The following NRXN3 variants were observed in gnomAD, a reference collection of about 807,000 sequenced individuals.
NRXN3 encodes neurexin III.
Under a neutral mutation model 137.6 loss-of-function variants are expected in NRXN3, and 32 were observed. That is an observed-to-expected ratio of 0.23 (90% confidence interval 0.18 to 0.31). NRXN3 has a LOEUF of 0.31. Among genes scored for constraint, NRXN3 ranks in the 10% least tolerant of loss-of-function variants. The probability of loss-of-function intolerance (pLI) is 1.00; values close to 1 mark genes in which losing one functional copy is unlikely to be tolerated. For synonymous variants in NRXN3, 798 were observed against 784.5 expected (o/e 1.02, Z -0.29); for missense variants, 1,574 against 2,062.5 (o/e 0.76, Z 4.59).
intron 15 of NRXN3, among the ~76,000 whole-genome samples, chr14:79,314,776 A>G (rs1339757863): frequency 6.8e-6 from 1 of 146,516 alleles, no homozygotes; most frequent in South Asian, 2.3e-4. Context: ...CAAGCAGCCT[A>G]ACTGGGAGGC....
At chr14:78,991,036 G>A (rs774241727) in intron 15 of NRXN3, among the ~76,000 whole-genome samples, 14 of 152,188 alleles carry the variant, frequency 9.2e-5, no homozygotes, top group East Asian at 7.7e-4. Flanking sequence ...TTTTGGTGGC[G>A]TAGCCTGTAT....
At chr14:79,330,952 T>A (rs1030096858) in intron 15 of NRXN3, among the ~76,000 whole-genome samples, 3 of 152,146 alleles carry the variant, frequency 2.0e-5, no homozygotes, top group Admixed American at 2.0e-4. Flanking sequence ...GTTGGCTCAG[T>A]AACGTTTCAC....
chr14:79,050,006 CTG>C (rs1231439873), intron 15 of NRXN3, among the ~76,000 whole-genome samples: 1 of 152,154 alleles, frequency 6.6e-6, no homozygotes, highest in African/African-American at 2.4e-5. Context: ...ATCTAGAAAA[CTG>C]AGAAACAGGA....
chr14:79,794,961 A>G (rs2099156738), intron 19 of NRXN3, among the ~76,000 whole-genome samples: 1 of 152,200 alleles, frequency 6.6e-6, no homozygotes, highest in Non-Finnish European at 1.5e-5. Context: ...AAGTGCAAAG[A>G]TAAATGATTA....
intron 4 of NRXN3, among the ~76,000 whole-genome samples, chr14:78,335,267 C>CT (rs2081325789): frequency 6.6e-6 from 1 of 152,190 alleles, no homozygotes; most frequent in South Asian, 2.1e-4. Context: ...ATTATTTTCC[C>CT]TTTTTTCTCT....
At chr14:78,654,698 C>T (rs1248774385) in intron 6 of NRXN3, among the ~76,000 whole-genome samples, 2 of 152,234 alleles carry the variant, frequency 1.3e-5, no homozygotes, top group East Asian at 3.8e-4. Flanking sequence ...ATCATGAAGT[C>T]AGCATCTTGT....
At chr14:79,371,726 C>A (rs1380599215) in intron 15 of NRXN3, among the ~76,000 whole-genome samples, 1 of 152,002 alleles carries the variant, frequency 6.6e-6, no homozygotes, top group Non-Finnish European at 1.5e-5. Flanking sequence ...TGGCAGTGAA[C>A]GTATACGTTT....
At chr14:79,065,263 T>A (rs1263744088) in intron 15 of NRXN3, among the ~76,000 whole-genome samples, 2 of 152,058 alleles carry the variant, frequency 1.3e-5, no homozygotes, top group East Asian at 3.9e-4. Context: ...AACATTTGAT[T>A]TAGATTCTGA....
chr14:78,498,963 G>A (rs2095837386), intron 4 of NRXN3, among the ~76,000 whole-genome samples: 2 of 151,886 alleles, frequency 1.3e-5, no homozygotes, highest in Non-Finnish European at 1.5e-5. Flanking sequence ...ATGTTACCTT[G>A]GGCAATGTTG....
At chr14:79,342,956 C>T (rs935535514) in intron 15 of NRXN3, among the ~76,000 whole-genome samples, 7 of 151,966 alleles carry the variant, frequency 4.6e-5, no homozygotes, top group East Asian at 1.9e-4. Flanking sequence ...GATAATTTGG[C>T]GGGTAGGGGC....
rs145007718 is a variant in NRXN3 at position 78,329,144 on chromosome 14, A to T, written c.757+31284A>T. 4.5e-4 allele frequency among the ~76,000 whole-genome samples: 68 copies of T among 152,284 alleles called. 1 individual carries two copies. The East Asian group carries it at 9.8e-3, about 22-fold the overall frequency. On this transcript the variant is annotated intron_variant, in intron 4 of 20. Coordinates refer to ENST00000335750, the MANE Select transcript of NRXN3 (RefSeq NM_001330195.2). ...TAAAATGAGAGAGCTTCTGATTCAT[A>T]GGAGTTATAAAAATAATATAGTAAT... is the stretch of plus-strand genomic sequence containing the variant.
intron 16 of NRXN3, among the ~76,000 whole-genome samples, chr14:79,592,741 A>G (rs1193190174): frequency 1.3e-5 from 2 of 152,240 alleles, no homozygotes; most frequent in Admixed American, 6.5e-5. Context: ...GCTAAAATCT[A>G]AAAGACCTAT....
chr14:79,308,862 T>G (rs1270334178), intron 15 of NRXN3, among the ~76,000 whole-genome samples: 1 of 145,936 alleles, frequency 6.9e-6, no homozygotes, highest in Non-Finnish European at 1.5e-5. Context: ...TTTTTTTTTT[T>G]GTGAGTAATT....
At chr14:79,344,113 G>A (rs768802329) in intron 15 of NRXN3, among the ~76,000 whole-genome samples, 7 of 152,082 alleles carry the variant, frequency 4.6e-5, no homozygotes, top group African/African-American at 1.7e-4. Flanking sequence ...TTCTCTCTCA[G>A]GACTTTGAAG....
intron 16 of NRXN3, among the ~76,000 whole-genome samples, chr14:79,651,766 G>A (rs576445366): frequency 1.3e-5 from 2 of 152,270 alleles, no homozygotes; most frequent in East Asian, 1.9e-4. Context: ...CTCCAGATAG[G>A]AAAGTGTGCC....
chr14:78,443,910 G>C (rs191621025), intron 4 of NRXN3, among the ~76,000 whole-genome samples: 1 of 152,116 alleles, frequency 6.6e-6, no homozygotes, highest in Non-Finnish European at 1.5e-5. Context: ...GCATTAGGTT[G>C]GTGCAAAAGT....
At chr14:79,185,345 C>A (rs1032225116) in intron 15 of NRXN3, among the ~76,000 whole-genome samples, 1 of 151,996 alleles carries the variant, frequency 6.6e-6, no homozygotes, top group Non-Finnish European at 1.5e-5. Context: ...AATCCAATTG[C>A]TTTTAATAAA....
At chr14:79,297,349 AC>A (rs1321584238) in intron 15 of NRXN3, among the ~76,000 whole-genome samples, 31 of 152,256 alleles carry the variant, frequency 2.0e-4, no homozygotes, top group African/African-American at 6.7e-4. Flanking sequence ...TAAATAACTG[AC>A]TTTTTAAAAG....
intron 15 of NRXN3, among the ~76,000 whole-genome samples, chr14:79,202,489 G>A (rs1348761468): frequency 2.0e-5 from 3 of 151,986 alleles, no homozygotes; most frequent in Non-Finnish European, 4.4e-5. Flanking sequence ...TCCCCAAGCA[G>A]TATACACTGT....
Sources: allele counts gnomAD v4.1 joint callset (sites outside exome capture counted in the v4.1 genomes callset), GRCh38; gene constraint gnomAD v4.1.1; transcripts MANE v1.5; gene names NCBI Gene and HGNC (gene_info 2026-07-23, HGNC 2026-07-21).